The following HNRNPA2B1 variants were observed in gnomAD, a reference collection of about 807,000 sequenced individuals.
HNRNPA2B1 encodes heterogeneous nuclear ribonucleoprotein A2/B1, also known as heterogeneous nuclear ribonucleoproteins A2/B1.
A neutral mutation model predicts 46.3 loss-of-function variants in HNRNPA2B1; 3 were observed. The observed-to-expected ratio is 0.06, with a 90% CI of 0.03 to 0.17. The LOEUF (loss-of-function observed/expected upper bound fraction) is 0.17. HNRNPA2B1 is among the 10% of genes least tolerant of loss of function. HNRNPA2B1 has a pLI of 1.00. For synonymous variants in HNRNPA2B1, 225 were observed against 133.8 expected (o/e 1.68, Z -4.70); for missense variants, 221 against 418.9 (o/e 0.53, Z 4.12).
intron 3 of HNRNPA2B1, 122 bp from the exon 4 acceptor site, chr7:26,197,139 C>A: frequency 9.1e-7 from 1 of 1,103,180 alleles, no homozygotes; most frequent in Non-Finnish European, 1.3e-6. Context: ...TATAAAATAG[C>A]TTTTAGGGAC....
intron 7 of HNRNPA2B1, 110 bp from the exon 8 acceptor site, chr7:26,193,804 GA>G: frequency 4.2e-6 from 4 of 961,280 alleles, no homozygotes; most frequent in Non-Finnish European, 6.3e-6. Context: ...AATATTTAAT[GA>G]AATTCCTCTA....
At chr7:26,199,156 A>G (rs1348784730) in intron 1 of HNRNPA2B1, 1 of 152,596 alleles carries the variant, frequency 6.6e-6, no homozygotes, top group Non-Finnish European at 1.5e-5. Context: ...AGTTTTACAA[A>G]TCACTAACAA....
Position 26,196,946 on chromosome 7 carries a change from C to T in HNRNPA2B1, c.336G>A (p.Glu112=). 6.2e-7 allele frequency: 1 copy of T among 1,613,678 alleles called. No individual in the cohort carries two copies. Among genetic ancestry groups the T allele is most frequent in the Non-Finnish European group, 8.5e-7 (1 of 1,179,772 alleles). The part of the protein sequence containing the change: ...LFVGGIKEDT[E]EHHLRDYFEE... The stretch of plus-strand genomic sequence containing the variant: ...CAAAGTAATCTCTAAGGTGATGTTC[C>T]TCAGTATCTTCTTTAATTCCGCCAA... The change falls in exon 4 of 11, where the codon GAG becomes GAA. Residue 112 remains glutamate, a synonymous_variant. Coordinates refer to ENST00000618183, the MANE Select transcript of HNRNPA2B1 (RefSeq NM_002137.4).
chr7:26,198,844 T>C (rs1783995535), intron 1 of HNRNPA2B1: 1 of 152,254 alleles, frequency 6.6e-6, no homozygotes, highest in Non-Finnish European at 1.5e-5. Flanking sequence ...CAAGCAGCAT[T>C]AATTGCTGCT....
chr7:26,197,212 A>C (rs981933282), intron 3 of HNRNPA2B1, 103 bp downstream of exon 3: 2 of 1,387,498 alleles, frequency 1.4e-6, no homozygotes, highest in Middle Eastern at 1.9e-4. Context: ...ACCTTTAATA[A>C]GAGAAAAAAT....
intron 7 of HNRNPA2B1, 116 bp downstream of exon 7, chr7:26,195,731 G>T: frequency 1.7e-6 from 2 of 1,153,756 alleles, no homozygotes; most frequent in Non-Finnish European, 2.4e-6. Context: ...TATCACCCAA[G>T]CCATTTATAG....
In HNRNPA2B1 at chr7:26,193,276, C is replaced by T. The variant is rs976217500; in HGVS notation, c.939G>A (p.Arg313=). The change falls in exon 9 of 11, where the codon AGG becomes AGA. Residue 313 remains arginine, a synonymous_variant. Transcript: ENST00000618183. ...PMKSGNFGGS[R]NMGGPYGGGN... The stretch of plus-strand genomic sequence containing the variant: ...CTCCACCATATGGTCCCCCCATGTT[C>T]CTGCTACCACCAAAGTTTCCACTCT... 4 of 1,613,680 alleles carry T rather than the reference C, an allele frequency of 2.5e-6. No individual in the cohort carries two copies. Among genetic ancestry groups the T allele is most frequent in the Middle Eastern group, 1.6e-4 (1 of 6,082 alleles).
intron 1 of HNRNPA2B1, chr7:26,199,282 A>G (rs1784062609): frequency 6.6e-6 from 1 of 152,630 alleles, no homozygotes; most frequent in Non-Finnish European, 1.5e-5. Flanking sequence ...ATAACCAGGT[A>G]GACCCCCTTC....
Position 26,196,417 on chromosome 7 carries a change from G to A in HNRNPA2B1, c.642C>T (p.Asn214=). Residue 214 remains asparagine, a synonymous_variant, in exon 6 of 11, where the codon AAC becomes AAT. Coordinates refer to ENST00000618183, the MANE Select transcript of HNRNPA2B1 (RefSeq NM_002137.4). ...GGNFGPGPGS[N]FRGGSDGYGS... is the part of the protein sequence containing the mutation. ...GAAACTCACCAGATCCTCCTCTAAA[G>A]TTACTTCCTGGTCCTGGTCCGAAAT... The A allele has an allele frequency of 6.2e-7, 1 of 1,613,888 alleles. No homozygotes were observed. The highest frequency in any genetic ancestry group is 1.3e-5 in the African/African-American group (1 of 75,010).
rs1270756419 is a variant in HNRNPA2B1, at chr7:26,197,666, A to G, written c.73T>C (p.Leu25=). The part of the protein sequence containing the change: ...GLSFETTEES[L]RNYYEQWGKL... Reference sequence around the variant, plus strand: ...CCCCATTGTTCGTAGTAGTTCCTCAAACTTTCTTCTGTGGTTTCAAAGCTT... The same window carrying G: ...CCCCATTGTTCGTAGTAGTTCCTCAGACTTTCTTCTGTGGTTTCAAAGCTT... Residue 25 remains leucine (L), a synonymous_variant, in exon 2 of 11, where the codon TTG becomes CTG. Transcript: ENST00000618183. The G allele has an allele frequency of 1.9e-6, 3 of 1,614,040 alleles. No individual in the cohort carries two copies. The South Asian group carries it at 3.3e-5, about 18-fold the overall frequency.
chr7:26,194,527 C>CCA (rs1353333503), intron 7 of HNRNPA2B1, among the ~76,000 whole-genome samples: 1 of 145,362 alleles, frequency 6.9e-6, no homozygotes, highest in Non-Finnish European at 1.5e-5. Context: ...AGCAAAACCC[C>CCA]CACACCTCTA....
intron 1 of HNRNPA2B1, chr7:26,198,062 T>C (rs1159376595): frequency 2.4e-5 from 10 of 413,298 alleles, no homozygotes; most frequent in Admixed American, 1.3e-4. Context: ...AATAAACAAA[T>C]GTAGACCGTG....
intron 8 of HNRNPA2B1, 90 bp downstream of exon 8, chr7:26,193,485 A>G: frequency 6.5e-7 from 1 of 1,529,052 alleles, no homozygotes; most frequent in Non-Finnish European, 8.8e-7. Flanking sequence ...TTTTATGGGC[A>G]TCTAGTGACA....
At chr7:26,192,633 G>T in intron 9 of HNRNPA2B1, 56 bp from the exon 10 acceptor site, 1 of 1,356,588 alleles carries the variant, frequency 7.4e-7, no homozygotes, top group Non-Finnish European at 1.1e-6. Flanking sequence ...CCCATGATCA[G>T]CCTAACACTA....
intron 2 of HNRNPA2B1, 61 bp downstream of exon 2, chr7:26,197,561 T>G: frequency 6.4e-7 from 1 of 1,558,178 alleles, no homozygotes; most frequent in Non-Finnish European, 8.8e-7. Context: ...ATTTCCTCCA[T>G]GATTCACTTA....
intron 7 of HNRNPA2B1, among the ~76,000 whole-genome samples, chr7:26,195,047 C>T (rs1444593522): frequency 2.1e-5 from 3 of 142,118 alleles, no homozygotes; most frequent in Non-Finnish European, 3.0e-5. Flanking sequence ...TGAGCAGAGA[C>T]GCGCCACTAC....
Position 26,191,514 on chromosome 7 carries a change from A to G in HNRNPA2B1, c.*846T>C, listed in dbSNP as rs1186911611. 4 of 152,212 alleles carry G rather than the reference A, an allele frequency of 2.6e-5. No individual in the cohort carries two copies. Among genetic ancestry groups the G allele is most frequent in the African/African-American group, 4.8e-5 (2 of 41,462 alleles). The allele number at this position is 152,212 out of a possible 1,614,324, so 9.4% of individuals were successfully genotyped here. The stretch of plus-strand genomic sequence containing the variant: ...TAAACTACTGTAGTTAAAGTTTTGT[A>G]GAAACAGCACAGTTTTTTAAGACTG... On this transcript the variant is annotated 3_prime_UTR_variant, in exon 11 of 11. Transcript: ENST00000618183.
Position 26,193,218 on chromosome 7 carries a change from A to T in HNRNPA2B1, c.964+33T>A. On this transcript the variant is annotated intron_variant, in intron 9 of 10. Transcript: ENST00000618183. ...ACAAAAGGCTAATCCTTTAATCACA[A>T]AAATCTGAATAACCTCAATTTTTAT... 2.5e-6 allele frequency: 4 copies of T among 1,599,470 alleles called. No individual in the cohort carries two copies. Among genetic ancestry groups the T allele is most frequent in the Non-Finnish European group, 3.4e-6 (4 of 1,173,430 alleles).
At position 26,197,605 on chromosome 7, in the gene HNRNPA2B1, T is replaced by C. The variant is rs779001097; in HGVS notation, c.117+17A>G. Reference sequence around the variant, plus strand: ...CTAAAAGACTAATATCCAGTAACAATTCAGTAATTTACATACCACACAGTC... The same window carrying C: ...CTAAAAGACTAATATCCAGTAACAACTCAGTAATTTACATACCACACAGTC... On this transcript the variant is annotated intron_variant, in intron 2 of 10. Transcript: ENST00000618183. 4 of 1,590,212 alleles carry C rather than the reference T, an allele frequency of 2.5e-6. No individual in the cohort carries two copies. Among genetic ancestry groups the C allele is most frequent in the Middle Eastern group, 1.7e-4 (1 of 6,008 alleles).
Sources: allele counts gnomAD v4.1 joint callset (sites outside exome capture counted in the v4.1 genomes callset), GRCh38; gene constraint gnomAD v4.1.1; transcripts MANE v1.5; gene names NCBI Gene and HGNC (gene_info 2026-07-23, HGNC 2026-07-21).